Variants in ELFN2 observed in about 807,000 individuals in gnomAD.
ELFN2 encodes the protein protein phosphatase 1 regulatory subunit 29.
A neutral mutation model predicts 45.5 loss-of-function variants in ELFN2; 17 were observed. That is an observed-to-expected ratio of 0.37 (90% CI 0.26 to 0.56). ELFN2 has a LOEUF of 0.56. Ranked by LOEUF, ELFN2 falls within the 20% of genes least tolerant of loss-of-function variation. ELFN2 has a pLI of 0.77. For synonymous variants in ELFN2, 550 were observed against 551.5 expected (o/e 1.00, Z 0.04); for missense variants, 922 against 1,183.2 (o/e 0.78, Z 3.24).
At chr22:37,366,949 T>C (rs1931219636), downstream of ELFN2, among the ~76,000 whole-genome samples, 1 of 152,048 alleles carries the variant, frequency 6.6e-6, no homozygotes, top group Admixed American at 6.5e-5. Flanking sequence ...CAACTCTTAA[T>C]GGAGGCAGGC....
At chr22:37,408,742 G>A (rs892730375) in intron 2 of ELFN2, among the ~76,000 whole-genome samples, 3 of 152,194 alleles carry the variant, frequency 2.0e-5, no homozygotes, top group African/African-American at 4.8e-5. Context: ...TTTCATCACC[G>A]AGTCGCTGTG....
In ELFN2 at chr22:37,417,575, A is replaced by G. The variant is rs1004288713; in HGVS notation, c.-463+194T>C. On this transcript the variant is annotated intron_variant, in intron 2 of 2. Coordinates refer to ENST00000402918, the MANE Select transcript of ELFN2 (RefSeq NM_052906.5). The surrounding 1 kb of genome is among the most constrained non-coding windows in gnomAD (Gnocchi z 4.5). The stretch of plus-strand genomic sequence containing the variant: ...GCCCCCAACAGGCCTGCCGCTCTGC[A>G]GGCCGCCTCATAGGCCCTGTGGAAG... Among the ~76,000 whole-genome samples the G allele has an allele frequency of 6.6e-6, 1 of 152,106 alleles. No individual in the cohort carries two copies. The highest frequency in any genetic ancestry group is 2.1e-4 in the South Asian group (1 of 4,832).
chr22:37,400,903 G>A (rs1932344848), intron 2 of ELFN2, among the ~76,000 whole-genome samples: 2 of 152,236 alleles, frequency 1.3e-5, no homozygotes, highest in African/African-American at 4.8e-5. Flanking sequence ...ATCCCTAAGT[G>A]GCGAAAACGG....
chr22:37,386,381 C>A (rs140935818), intron 2 of ELFN2, among the ~76,000 whole-genome samples: 244 of 152,296 alleles, frequency 1.6e-3, no homozygotes, highest in Non-Finnish European at 2.9e-3. Context: ...AGCCCCCTGT[C>A]CCTAGCATGG....
chr22:37,352,944 G>C, intron 1 of ELFN2, among the ~76,000 whole-genome samples: 1 of 150,956 alleles, frequency 6.6e-6, no homozygotes, highest in East Asian at 1.9e-4. Context: ...GGCCAGTTAA[G>C]AGGATGCTAC....
chr22:37,344,408 C>G (rs1363600165), intron 1 of ELFN2, among the ~76,000 whole-genome samples: 1 of 152,012 alleles, frequency 6.6e-6, no homozygotes, highest in Non-Finnish European at 1.5e-5. Flanking sequence ...CCATCCCAAA[C>G]CCCCAGCATC....
At chr22:37,404,936 G>C (rs1287581158) in intron 2 of ELFN2, among the ~76,000 whole-genome samples, 1 of 152,160 alleles carries the variant, frequency 6.6e-6, no homozygotes, top group East Asian at 1.9e-4. Context: ...CATCCCCCCA[G>C]ATCCTTAGCT....
downstream of ELFN2, among the ~76,000 whole-genome samples, chr22:37,366,822 C>G (rs534326637): frequency 6.6e-6 from 1 of 152,360 alleles, no homozygotes; most frequent in South Asian, 2.1e-4. Flanking sequence ...CTTGGGACGG[C>G]TGCACTGAGC....
intron 2 of ELFN2, among the ~76,000 whole-genome samples, chr22:37,401,650 GC>G (rs1327694202): frequency 2.0e-5 from 3 of 152,218 alleles, no homozygotes; most frequent in Non-Finnish European, 4.4e-5. Flanking sequence ...CACAGGAGCT[GC>G]CTAATGCGAG....
intron 2 of ELFN2, among the ~76,000 whole-genome samples, chr22:37,390,021 C>T (rs1284944675): frequency 2.6e-5 from 4 of 152,190 alleles, no homozygotes; most frequent in Non-Finnish European, 5.9e-5. Flanking sequence ...GGGAGGGGGC[C>T]TGGGAAGCTG....
At chr22:37,384,237 G>A (rs532303919) in intron 2 of ELFN2, among the ~76,000 whole-genome samples, 99 of 152,096 alleles carry the variant, frequency 6.5e-4, no homozygotes, top group South Asian at 2.5e-3. Flanking sequence ...CTGGTTCTAG[G>A]GGCAGCTGTA....
In ELFN2 at chr22:37,350,402, G is replaced by A. The variant is rs73410212; in HGVS notation, n.149-7699C>T. On this transcript the variant is annotated intron_variant and non_coding_transcript_variant, in intron 1 of 2. Coordinates refer to ENST00000452946, the Ensembl canonical transcript of ELFN2. ...GCTGACTGAGCAGACACTGTCGGGCGGCTGCAGGGGACTCGGTGGCCTCAG... is the reference window on the plus strand; with the variant it reads ...GCTGACTGAGCAGACACTGTCGGGCAGCTGCAGGGGACTCGGTGGCCTCAG... 9.9e-3 allele frequency among the ~76,000 whole-genome samples: 1,485 copies of A among 150,746 alleles called. 46 individuals carry two copies. Among genetic ancestry groups the A allele is most frequent in the African/African-American group, 0.034 (1,395 of 41,404 alleles).
At chr22:37,344,382 C>T (rs1930646155) in intron 1 of ELFN2, among the ~76,000 whole-genome samples, 1 of 151,928 alleles carries the variant, frequency 6.6e-6, no homozygotes, top group African/African-American at 2.4e-5. Context: ...CGCACATACA[C>T]CCAGGAGCCC....
intron 1 of ELFN2, chr22:37,427,043 G>C (rs1305864282): frequency 6.6e-6 from 1 of 152,256 alleles, no homozygotes; most frequent in African/African-American, 2.4e-5. Flanking sequence ...GACCGTCCTC[G>C]GTGTCCTCCC....
intron 1 of ELFN2, among the ~76,000 whole-genome samples, chr22:37,357,013 C>T (rs756571915): frequency 2.0e-5 from 3 of 152,098 alleles, no homozygotes; most frequent in East Asian, 1.9e-4. Flanking sequence ...ATCAGGAGGA[C>T]GGCAGTCTAG....
chr22:37,351,818 G>A (rs548873066), intron 1 of ELFN2, among the ~76,000 whole-genome samples: 5 of 150,980 alleles, frequency 3.3e-5, no homozygotes, highest in Non-Finnish European at 7.4e-5. Flanking sequence ...CTCTGGTGGC[G>A]GCCCCATTTC....
intron 2 of ELFN2, among the ~76,000 whole-genome samples, chr22:37,406,236 T>G (rs1932497917): frequency 6.6e-6 from 1 of 152,216 alleles, no homozygotes; most frequent in African/African-American, 2.4e-5. Flanking sequence ...TACGTGAAAG[T>G]TGTCCAGTCC....
intron 2 of ELFN2, among the ~76,000 whole-genome samples, chr22:37,378,721 C>T (rs1931655478): frequency 6.6e-6 from 1 of 152,240 alleles, no homozygotes; most frequent in Non-Finnish European, 1.5e-5. Context: ...GGAGGAGGCT[C>T]CCATCGTGCT....
chr22:37,366,947 A>C (rs1404407190), downstream of ELFN2, among the ~76,000 whole-genome samples: 1 of 152,134 alleles, frequency 6.6e-6, no homozygotes, highest in Non-Finnish European at 1.5e-5. Context: ...ACCAACTCTT[A>C]ATGGAGGCAG....
Sources: allele counts gnomAD v4.1 joint callset (sites outside exome capture counted in the v4.1 genomes callset), GRCh38; gene constraint gnomAD v4.1.1; non-coding constraint Gnocchi (gnomAD v3.1); transcripts MANE v1.5; gene names NCBI Gene and HGNC (gene_info 2026-07-23, HGNC 2026-07-21).